The following CLK1 variants were observed in gnomAD, a reference collection of about 807,000 sequenced individuals.
CLK1 encodes the protein CDC like kinase 1.
In CLK1, 40 loss-of-function variants were observed where a neutral mutation model predicts 60.9. That is an observed-to-expected ratio of 0.66 (90% CI 0.51 to 0.86). The LOEUF is 0.86. CLK1 is among the 40% of genes least tolerant of loss of function. The probability of loss-of-function intolerance (pLI) is 0.00; values close to 1 mark genes in which losing one functional copy is unlikely to be tolerated. For synonymous variants in CLK1, 203 were observed against 184.4 expected (o/e 1.10, Z -0.82); for missense variants, 563 against 606.1 (o/e 0.93, Z 0.75).
At position 200,864,012 on chromosome 2, in the gene CLK1, G is replaced by C. The variant is rs1363602266; in HGVS notation, c.-1+552C>G. 4 of 1,419,788 alleles carry C rather than the reference G, an allele frequency of 2.8e-6. No homozygotes were observed. In the African/African-American group the frequency reaches 4.4e-5, roughly 16 times the overall value. The allele number at this position is 1,419,788 out of a possible 1,614,324, so 87.9% of individuals were successfully genotyped here. A position where few individuals can be genotyped will look rare whatever the true frequency, so the allele number is the denominator to read the frequency against. The stretch of plus-strand genomic sequence containing the variant: ...TCTGGTTTTTGTTAACACCACTGAG[G>C]ACAAAGCCACTCGCGATGTTTACGC... On this transcript the variant is annotated intron_variant, in intron 1 of 12. Coordinates refer to ENST00000321356, the MANE Select transcript of CLK1 (RefSeq NM_004071.4).
At chr2:200,856,587 T>C (rs2039047901) in intron 9 of CLK1, 95 bp downstream of exon 9, 4 of 990,438 alleles carry the variant, frequency 4.0e-6, no homozygotes, top group South Asian at 3.4e-5. Context: ...AAAGAGAATA[T>C]GATAAAGCCC....
chr2:200,861,753 C>A lies in CLK1; in HGVS notation c.110G>T (p.Ser37Ile). The A allele has an allele frequency of 2.5e-6, 4 of 1,614,150 alleles. No homozygotes were observed. The highest frequency in any genetic ancestry group is 3.4e-6 in the Non-Finnish European group (4 of 1,180,014). Reference protein sequence around the residue: ...SHKRRKRSHSSAQENKRCKYN... With the variant: ...SHKRRKRSHSIAQENKRCKYN... ...TTTGCAGCGCTTGTTCTCCTGGGCACTGCTATGTGATCTCTTCCTTCTTTT... is the reference window on the plus strand; with the variant it reads ...TTTGCAGCGCTTGTTCTCCTGGGCAATGCTATGTGATCTCTTCCTTCTTTT... The change falls in exon 2 of 13, where the codon AGT becomes ATT. Residue 37 changes from serine to isoleucine, a missense_variant. Around this residue, in one of 3 missense-constraint regions of CLK1, gnomAD observed 198 missense variants for 179.2 expected, o/e 1.10. Transcript: ENST00000321356.
intron 4 of CLK1, 96 bp downstream of exon 4, chr2:200,860,029 G>T: frequency 1.3e-6 from 2 of 1,499,496 alleles, no homozygotes; most frequent in Non-Finnish European, 1.8e-6. Context: ...AAACAAAAAA[G>T]AGAAAGAAAA....
intron 5 of CLK1, among the ~76,000 whole-genome samples, chr2:200,859,100 T>C (rs2039092451): frequency 6.6e-6 from 1 of 151,940 alleles, no homozygotes; most frequent in African/African-American, 2.4e-5. Context: ...AACAATCACC[T>C]GAACCCGGGA....
chr2:200,860,214 T>C lies in CLK1; in HGVS notation c.392A>G (p.Lys131Arg). The change falls in exon 4 of 13, where the codon AAG becomes AGG. Residue 131 changes from lysine to arginine, a missense_variant and splice_region_variant. Lys to Arg is a conservative substitution (Grantham distance 26, BLOSUM62 2). Transcript: ENST00000321356. ...HSTSHRRSHG[K>R]SHRRKRTRSV... is the part of the protein sequence containing the mutation. ...CCTGGTTCTTTTCCTTCGGTGACTC[T>C]TCTGGAAACGTCAAGTGGGCGGCAC... is the stretch of plus-strand genomic sequence containing the variant. 1 of 1,614,056 alleles carries C rather than the reference T, an allele frequency of 6.2e-7. No individual in the cohort carries two copies. Among genetic ancestry groups the C allele is most frequent in the Non-Finnish European group, 8.5e-7 (1 of 1,179,984 alleles).
chr2:200,862,507 T>C (rs1288062158), intron 1 of CLK1, among the ~76,000 whole-genome samples: 2 of 151,976 alleles, frequency 1.3e-5, no homozygotes, highest in South Asian at 2.1e-4. Flanking sequence ...TCCCAAAACA[T>C]TGCTCTTAAC....
At chr2:200,862,706 C>G (rs1034126649) in intron 1 of CLK1, among the ~76,000 whole-genome samples, 1 of 152,200 alleles carries the variant, frequency 6.6e-6, no homozygotes, top group African/African-American at 2.4e-5. Context: ...TAAACGTGTA[C>G]CAGAAACTAG....
chr2:200,858,441 A>T (rs549249503), intron 5 of CLK1, among the ~76,000 whole-genome samples: 1 of 152,348 alleles, frequency 6.6e-6, no homozygotes, highest in South Asian at 2.1e-4. Flanking sequence ...TCACGCCTAT[A>T]ATCCCAGCAC....
chr2:200,863,940 G>C (rs796990516), intron 1 of CLK1, among the ~76,000 whole-genome samples: 1 of 152,208 alleles, frequency 6.6e-6, no homozygotes, highest in African/African-American at 2.4e-5. Flanking sequence ...CTGTCACAAC[G>C]CTCCTTCAAA....
Position 200,853,164 on chromosome 2 carries a change from T to C in CLK1, c.*142A>G, listed in dbSNP as rs143865148. On this transcript the variant is annotated 3_prime_UTR_variant, in exon 13 of 13. Coordinates refer to ENST00000321356, the MANE Select transcript of CLK1 (RefSeq NM_004071.4). ...TTCATTACCTTAGCTATGTACTTAA[T>C]GAACCAAATTACCCAAACAAAATAA... The C allele has an allele frequency of 1.7e-6, 1 of 594,136 alleles. No homozygotes were observed. 36.8% of individuals were successfully genotyped at this position (594,136 alleles called of 1,614,324 possible). A position where few individuals can be genotyped will look rare whatever the true frequency, so the allele number is the denominator to read the frequency against.
chr2:200,855,830 A>G (rs1347208464), intron 9 of CLK1, among the ~76,000 whole-genome samples: 2 of 151,260 alleles, frequency 1.3e-5, no homozygotes, highest in Non-Finnish European at 1.5e-5. Flanking sequence ...CAACATGGTA[A>G]AAACCCCATC....
In CLK1 at chr2:200,859,052, C is replaced by T. The variant is rs1446499721; in HGVS notation, c.548+628G>A. On this transcript the variant is annotated intron_variant, in intron 5 of 12. Transcript: ENST00000321356. ...CAAACAATAGCTGGGCATGGTGGCG[C>T]GTGTCTGTAGTTCCAGCTACTCAGG... Among the ~76,000 whole-genome samples, 14 of 151,914 alleles carry T rather than the reference C, an allele frequency of 9.2e-5. No homozygotes were observed. The East Asian group carries it at 1.2e-3, about 13-fold the overall frequency.
At position 200,861,387 on chromosome 2, in the gene CLK1, T is replaced by C; in HGVS notation, c.241A>G (p.Thr81Ala). The C allele has an allele frequency of 6.2e-7, 1 of 1,614,140 alleles. No homozygotes were observed. The highest frequency in any genetic ancestry group is 8.5e-7 in the Non-Finnish European group (1 of 1,180,008). ...CGATGTCCAGGTTCACATCCTTGAGTGTAGTCATTTCTGTACTCATCAATG... is the reference window on the plus strand; with the variant it reads ...CGATGTCCAGGTTCACATCCTTGAGCGTAGTCATTTCTGTACTCATCAATG... ...RYIDEYRNDY[T>A]QGCEPGHRQR... Residue 81 changes from threonine (T) to alanine (A), a missense_variant, in exon 3 of 13, where the codon ACT (threonine) becomes GCT (alanine). Around this residue, in one of 3 missense-constraint regions of CLK1, gnomAD observed 198 missense variants for 179.2 expected, o/e 1.10. Transcript: ENST00000321356.
At chr2:200,857,912 A>G in intron 6 of CLK1, 28 bp from the exon 7 acceptor site, 1 of 1,612,264 alleles carries the variant, frequency 6.2e-7, no homozygotes, top group Non-Finnish European at 8.5e-7. Flanking sequence ...ATAGCTAAGT[A>G]TAGTTGCTCC....
Position 200,861,899 on chromosome 2 carries a change from C to G in CLK1, c.1-37G>C, listed in dbSNP as rs1326311307. 9 of 1,591,586 alleles carry G rather than the reference C, an allele frequency of 5.7e-6. 1 individual carries two copies. In the Admixed American group the frequency reaches 1.5e-4, roughly 27 times the overall value. On this transcript the variant is annotated intron_variant, in intron 1 of 12. Transcript: ENST00000321356. ...GCAAGTTTTTCCTAGTTAAATTGTA[C>G]CCCACACTGAGCTGTTTAAAATTCG...
intron 11 of CLK1, 24 bp from the exon 12 acceptor site, chr2:200,854,017 CATGTTT>C: frequency 6.5e-7 from 1 of 1,535,642 alleles, no homozygotes. Context: ...AATATCCATT[CATGTTT>C]ATAACACTGA....
intron 1 of CLK1, chr2:200,863,078 A>T (rs2105743468): frequency 6.6e-6 from 1 of 152,346 alleles, no homozygotes. Flanking sequence ...CATTATACAG[A>T]AATTACTTCA....
intron 4 of CLK1, 61 bp from the exon 5 acceptor site, chr2:200,859,807 TA>T: frequency 6.2e-7 from 1 of 1,600,830 alleles, no homozygotes; most frequent in Non-Finnish European, 8.5e-7. Context: ...CTTATCACAA[TA>T]AATGCTATCA....
chr2:200,853,934 C>T lies in CLK1; in HGVS notation c.1280G>A (p.Arg427Lys), dbSNP rs200718703. 1 of 1,612,748 alleles carries T rather than the reference C, an allele frequency of 6.2e-7. No homozygotes were observed. Among genetic ancestry groups the T allele is most frequent in the Non-Finnish European group, 8.5e-7 (1 of 1,179,370 alleles). ...LDWDEHSSAG[R>K]YVSRRCKPLK... ...AGGTTTACAGCGTCTTGAAACATATCTGCCGGCAGAACTGTGTTCATCCCA... is the reference window on the plus strand; with the variant it reads ...AGGTTTACAGCGTCTTGAAACATATTTGCCGGCAGAACTGTGTTCATCCCA... Residue 427 changes from arginine to lysine, a missense_variant, in exon 12 of 13, where the codon AGA becomes AAA. Physicochemically the swap from Arg to Lys is conservative, Grantham distance 26. Transcript: ENST00000321356.
Sources: gnomAD v4.1 joint callset for allele counts (sites outside exome capture counted in the v4.1 genomes callset) on GRCh38, gnomAD v4.1.1 for gene constraint, gnomAD v4.1.1 regional missense constraint, MANE v1.5 for transcripts, NCBI Gene and HGNC (gene_info 2026-07-23, HGNC 2026-07-21) for gene names.